The following PARP8 variants were observed in gnomAD, a reference collection of about 807,000 sequenced individuals.
The protein encoded by PARP8 is protein mono-ADP-ribosyltransferase PARP8.
PARP8 carries 51 observed loss-of-function variants against 124.1 expected under a neutral mutation model. That is an observed-to-expected ratio of 0.41 (90% CI 0.33 to 0.52). The LOEUF (loss-of-function observed/expected upper bound fraction) is 0.52, where lower values mean the gene tolerates loss of function less well. PARP8 is among the 20% of genes least tolerant of loss of function. The probability of loss-of-function intolerance (pLI) is 0.21; values close to 1 mark genes in which losing one functional copy is unlikely to be tolerated. For synonymous variants in PARP8, 391 were observed against 361.5 expected (o/e 1.08, Z -0.93); for missense variants, 860 against 1,018.9 (o/e 0.84, Z 2.12).
At chr5:50,781,187 C>T (rs1283083803) in intron 9 of PARP8, among the ~76,000 whole-genome samples, 3 of 151,942 alleles carry the variant, frequency 2.0e-5, no homozygotes, top group Non-Finnish European at 2.9e-5. Flanking sequence ...GAATTTTTTT[C>T]GTGATTTCAT....
At chr5:50,814,016 G>T (rs1467465331) in intron 14 of PARP8, among the ~76,000 whole-genome samples, 1 of 152,092 alleles carries the variant, frequency 6.6e-6, no homozygotes, top group Non-Finnish European at 1.5e-5. Context: ...AGTGCCCTTT[G>T]TGTCACTGTT....
At chr5:50,706,638 A>G (rs533736706) in intron 2 of PARP8, among the ~76,000 whole-genome samples, 35 of 152,212 alleles carry the variant, frequency 2.3e-4, no homozygotes, top group Non-Finnish European at 4.0e-4. Context: ...AGCATATTAT[A>G]CCTGTAATTG....
chr5:50,734,150 C>CT (rs1001978669), intron 2 of PARP8, among the ~76,000 whole-genome samples: 11 of 152,064 alleles, frequency 7.2e-5, no homozygotes, highest in African/African-American at 2.2e-4. Context: ...CTCCATCTTC[C>CT]TTTTTTACGG....
chr5:50,739,305 G>A (rs2149530932), intron 2 of PARP8, among the ~76,000 whole-genome samples: 1 of 151,968 alleles, frequency 6.6e-6, no homozygotes, highest in East Asian at 1.9e-4. Context: ...AGAAGGAGAG[G>A]AATGAGTGGA....
chr5:50,717,715 T>G (rs1227535167), intron 2 of PARP8, among the ~76,000 whole-genome samples: 4 of 151,966 alleles, frequency 2.6e-5, no homozygotes, highest in Non-Finnish European at 5.9e-5. Flanking sequence ...GAGATCATGG[T>G]GTCATAGAAG....
chr5:50,809,726 A>G (rs187156137), intron 14 of PARP8, among the ~76,000 whole-genome samples: 70 of 152,102 alleles, frequency 4.6e-4, no homozygotes, highest in South Asian at 1.5e-3. Context: ...TGTATATTGG[A>G]CTTATGTGAA....
intron 2 of PARP8, among the ~76,000 whole-genome samples, chr5:50,702,894 A>T (rs1174564581): frequency 2.2e-4 from 33 of 152,320 alleles, no homozygotes; most frequent in Non-Finnish European, 3.1e-4. Flanking sequence ...TGCTGGGCAC[A>T]TGGCTGTAGT....
At chr5:50,761,986 G>A (rs1372982932) in intron 6 of PARP8, 88 bp downstream of exon 6, 15 of 751,280 alleles carry the variant, frequency 2.0e-5, no homozygotes, top group East Asian at 5.7e-5. Flanking sequence ...AGAGTTAAGG[G>A]ACCTGTGTGT....
intron 2 of PARP8, among the ~76,000 whole-genome samples, chr5:50,730,261 A>G (rs1444085038): frequency 6.6e-6 from 1 of 152,020 alleles, no homozygotes; most frequent in African/African-American, 2.4e-5. Flanking sequence ...GTCCGTTTTC[A>G]TGCTGCTATG....
chr5:50,685,367 A>G (rs1278824759), intron 2 of PARP8, among the ~76,000 whole-genome samples: 5 of 152,190 alleles, frequency 3.3e-5, no homozygotes, highest in African/African-American at 1.2e-4. Context: ...TTCAACAGTC[A>G]GCTTTTGCTT....
chr5:50,675,039 G>T (rs1221187152), intron 2 of PARP8, among the ~76,000 whole-genome samples: 1 of 152,200 alleles, frequency 6.6e-6, no homozygotes, highest in African/African-American at 2.4e-5. Flanking sequence ...GCATATGAGT[G>T]ATATTTCAGT....
chr5:50,828,899 A>T (rs1746640117), intron 21 of PARP8, among the ~76,000 whole-genome samples: 1 of 151,882 alleles, frequency 6.6e-6, no homozygotes, highest in South Asian at 2.1e-4. Context: ...CAACAAAAAA[A>T]GAAAAAAAAA....
At chr5:50,696,785 TC>T (rs1469212516) in intron 2 of PARP8, among the ~76,000 whole-genome samples, 8 of 152,286 alleles carry the variant, frequency 5.3e-5, no homozygotes, top group Admixed American at 2.0e-4. Flanking sequence ...TGCCCCCTAA[TC>T]TGTTGCTTCT....
chr5:50,811,360 GT>G, intron 14 of PARP8, among the ~76,000 whole-genome samples: 1 of 151,792 alleles, frequency 6.6e-6, no homozygotes, highest in East Asian at 1.9e-4. Context: ...TTGCTTGTTT[GT>G]TATTCGTGAT....
chr5:50,703,822 G>C (rs1429283886), intron 2 of PARP8, among the ~76,000 whole-genome samples: 2 of 151,944 alleles, frequency 1.3e-5, no homozygotes, highest in African/African-American at 2.4e-5. Flanking sequence ...GAGGTGGGAG[G>C]ATTGTTTGAT....
At position 50,747,821 on chromosome 5, in the gene PARP8, A is replaced by G. The variant is rs1374874125; in HGVS notation, c.147-2330A>G. On this transcript the variant is annotated intron_variant, in intron 2 of 25. Transcript: ENST00000281631. ...GGAGTCTCGCTCTGTCGCCCAGGCT[A>G]GAGTGCAGTGGCGCGATCTCGGCTC... Among the ~76,000 whole-genome samples the G allele has an allele frequency of 1.3e-4, 16 of 120,438 alleles. No homozygotes were observed. In the Admixed American group the frequency reaches 1.6e-3, roughly 12 times the overall value. 79.0% of individuals were successfully genotyped at this position (120,438 alleles called of 152,430 possible).
Position 50,846,302 on chromosome 5 carries a change from T to C in PARP8, c.*4234T>C, listed in dbSNP as rs1224914436. ...CAGGATAGTATTGCAACCTGCTATTTAGCCTTTGGTGCCTTAGAATTATTA... is the reference window on the plus strand; with the variant it reads ...CAGGATAGTATTGCAACCTGCTATTCAGCCTTTGGTGCCTTAGAATTATTA... On this transcript the variant is annotated 3_prime_UTR_variant, in exon 26 of 26. Transcript: ENST00000281631. 6.6e-6 allele frequency: 1 copy of C among 151,796 alleles called. No individual in the cohort carries two copies. The highest frequency in any genetic ancestry group is 1.5e-5 in the Non-Finnish European group (1 of 67,788). The allele number at this position is 151,796 out of a possible 1,614,324, so 9.4% of individuals were successfully genotyped here.
At chr5:50,677,075 A>G (rs1454814319) in intron 2 of PARP8, among the ~76,000 whole-genome samples, 2 of 152,296 alleles carry the variant, frequency 1.3e-5, no homozygotes, top group African/African-American at 4.8e-5. Context: ...CAGGCACAAG[A>G]ATCTAGTAAA....
chr5:50,826,728 G>T (rs1561437980), intron 18 of PARP8, 27 bp from the exon 19 acceptor site: 10 of 1,564,214 alleles, frequency 6.4e-6, no homozygotes, highest in South Asian at 2.5e-5. Context: ...GCATGTATTT[G>T]TGACTAATGG....
Sources: allele counts gnomAD v4.1 joint callset (sites outside exome capture counted in the v4.1 genomes callset), GRCh38; gene constraint gnomAD v4.1.1; transcripts MANE v1.5; gene names NCBI Gene and HGNC (gene_info 2026-07-23, HGNC 2026-07-21).